The following MYO16 variants were observed in gnomAD, a reference collection of about 807,000 sequenced individuals.
The protein encoded by MYO16 is myosin XVI, also known as unconventional myosin-XVI.
A neutral mutation model predicts 205.3 loss-of-function variants in MYO16; 94 were observed. The observed-to-expected ratio is 0.46, with a 90% CI of 0.39 to 0.54. The LOEUF is 0.54. Among genes scored for constraint, MYO16 ranks in the 20% least tolerant of loss-of-function variants. The pLI is 0.00. For synonymous variants in MYO16, 988 were observed against 954.0 expected (o/e 1.04, Z -0.66); for missense variants, 2,315 against 2,387.5 (o/e 0.97, Z 0.63).
chr13:109,179,728 G>A (rs1303460318), intron 34 of MYO16, 95 bp downstream of exon 34: 3 of 990,612 alleles, frequency 3.0e-6, no homozygotes, highest in African/African-American at 3.2e-5. Flanking sequence ...GCTCTGTGTG[G>A]ACTGGAGGGC....
At chr13:108,566,771 A>T in the MYO16 span, among the ~76,000 whole-genome samples, 7 of 151,122 alleles carry the variant, frequency 4.6e-5, no homozygotes, top group Admixed American at 4.6e-4. Context: ...GGAAGGAAGG[A>T]AGGAAGGAAG....
intron 6 of MYO16, among the ~76,000 whole-genome samples, chr13:108,803,157 G>GC (rs139949000): frequency 1.9e-3 from 288 of 152,216 alleles, no homozygotes; most frequent in Non-Finnish European, 2.7e-3. Flanking sequence ...GCTTGAAAGG[G>GC]CCCAAGAGTG....
chr13:108,761,395 T>C (rs72668510), intron 4 of MYO16, among the ~76,000 whole-genome samples: 27,035 of 152,066 alleles, frequency 0.18, 2,704 homozygotes, highest in Middle Eastern at 0.22. Context: ...CTTACAAAGA[T>C]GGTGTGCCAT....
chr13:108,894,792 G>A (rs1880334062), intron 14 of MYO16, among the ~76,000 whole-genome samples: 1 of 152,182 alleles, frequency 6.6e-6, no homozygotes, highest in African/African-American at 2.4e-5. Flanking sequence ...ACATGGCTTT[G>A]TTCCCCCACA....
chr13:109,134,136 T>A (rs1379795720), intron 31 of MYO16, among the ~76,000 whole-genome samples: 1 of 152,208 alleles, frequency 6.6e-6, no homozygotes, highest in Non-Finnish European at 1.5e-5. Context: ...GTATCTTTCA[T>A]CTGTAGAATA....
chr13:108,762,066 T>C (rs1885627048), intron 4 of MYO16, among the ~76,000 whole-genome samples: 1 of 152,248 alleles, frequency 6.6e-6, no homozygotes, highest in Non-Finnish European at 1.5e-5. Flanking sequence ...ACACATGAAT[T>C]AGCTCCCATT....
intron 15 of MYO16, 52 bp downstream of exon 15, chr13:108,898,185 CCACGTCA>C (rs1566399116): frequency 1.5e-6 from 2 of 1,373,104 alleles, no homozygotes; most frequent in Admixed American, 3.4e-5. Flanking sequence ...CAGCATGCGA[CCACGTCA>C]CACACAGGCA....
At chr13:109,109,874 G>A (rs753176421) in intron 28 of MYO16, among the ~76,000 whole-genome samples, 37 of 152,160 alleles carry the variant, frequency 2.4e-4, no homozygotes, top group Non-Finnish European at 4.3e-4. Context: ...GGAAAGCAAT[G>A]CCAGAACTTC....
chr13:108,771,379 T>G (rs1277055172), intron 4 of MYO16, among the ~76,000 whole-genome samples: 1 of 152,122 alleles, frequency 6.6e-6, no homozygotes, highest in African/African-American at 2.4e-5. Context: ...CACAGCAAAA[T>G]TTGAGAGAAA....
At chr13:108,697,454 A>C (rs373013626) in intron 2 of MYO16, among the ~76,000 whole-genome samples, 4 of 152,200 alleles carry the variant, frequency 2.6e-5, no homozygotes, top group African/African-American at 9.6e-5. Context: ...CTTTTCCAGG[A>C]ATTCCAGTTG....
intron 16 of MYO16, among the ~76,000 whole-genome samples, chr13:108,917,113 A>G (rs1163152053): frequency 2.0e-5 from 3 of 152,114 alleles, no homozygotes; most frequent in African/African-American, 7.2e-5. Context: ...GCACGCACGC[A>G]CACACACACA....
intron 23 of MYO16, among the ~76,000 whole-genome samples, chr13:109,033,256 A>G (rs1057399356): frequency 6.6e-6 from 1 of 152,174 alleles, no homozygotes; most frequent in Non-Finnish European, 1.5e-5. Flanking sequence ...CACCACTGAC[A>G]AGCATGCTGA....
intron 5 of MYO16, 62 bp from the exon 6 acceptor site, chr13:108,793,454 T>C (rs976714614): frequency 1.9e-5 from 29 of 1,544,130 alleles, no homozygotes; most frequent in Admixed American, 5.6e-5. Context: ...AAGCTAGGCT[T>C]TGACCCCCAG....
At position 109,023,632 on chromosome 13, in the gene MYO16, A is replaced by AAT. The variant is rs1260826571; in HGVS notation, c.2796+3729_2796+3730dup. Among the ~76,000 whole-genome samples, 31 of 100,330 alleles carry AAT rather than the reference A, an allele frequency of 3.1e-4. 1 individual carries two copies. Among genetic ancestry groups the AAT allele is most frequent in the Non-Finnish European group, 5.0e-4 (24 of 47,918 alleles). The allele number at this position is 100,330 out of a possible 152,430, so 65.8% of individuals were successfully genotyped here. ...ATTTATATATACAAATATATAGACA[A>AAT]ATATATATACAAATATATGTATATA... On this transcript the variant is annotated intron_variant, in intron 23 of 34. Transcript: ENST00000457511.
At chr13:108,543,455 T>A in the MYO16 span, among the ~76,000 whole-genome samples, 2 of 151,726 alleles carry the variant, frequency 1.3e-5, no homozygotes, top group African/African-American at 4.8e-5. Flanking sequence ...CCATCCTGGC[T>A]AACACGGTGA....
At chr13:109,089,912 C>G (rs1397627927) in intron 27 of MYO16, among the ~76,000 whole-genome samples, 1 of 152,212 alleles carries the variant, frequency 6.6e-6, no homozygotes, top group South Asian at 2.1e-4. Context: ...AGGGAAGTCC[C>G]TTACCATACC....
chr13:108,903,646 T>C (rs967440742), intron 15 of MYO16, among the ~76,000 whole-genome samples: 1 of 152,242 alleles, frequency 6.6e-6, no homozygotes, highest in African/African-American at 2.4e-5. Flanking sequence ...AAATAGGCAC[T>C]GAACACTTTA....
rs199792762 is a variant in MYO16, at chr13:108,971,475, GTTAT to G, written c.2369+6576_2369+6579del. 8.5e-3 allele frequency among the ~76,000 whole-genome samples: 1,274 copies of G among 150,618 alleles called. 12 individuals are homozygous for G. The highest frequency in any genetic ancestry group is 0.029 in the African/African-American group (1,192 of 40,938). ...CTAGTCTACAGTAATCCTATAGAGG[GTTAT>G]TTGAGTATACTTTTATTCATTCATT... On this transcript the variant is annotated intron_variant, in intron 20 of 34. Coordinates refer to ENST00000457511, the MANE Select transcript of MYO16 (RefSeq NM_001198950.3).
intron 2 of MYO16, among the ~76,000 whole-genome samples, chr13:108,674,225 T>TA (rs1566542927): frequency 6.6e-6 from 1 of 152,164 alleles, no homozygotes; most frequent in Non-Finnish European, 1.5e-5. Flanking sequence ...GTTTTACACA[T>TA]AAAAAAGTGA....
Sources: allele counts gnomAD v4.1 joint callset (sites outside exome capture counted in the v4.1 genomes callset), GRCh38; gene constraint gnomAD v4.1.1; transcripts MANE v1.5; gene names NCBI Gene and HGNC (gene_info 2026-07-23, HGNC 2026-07-21).